GLYAT: variants seen among roughly 807,000 people sequenced by gnomAD.
GLYAT encodes glycine N-acyltransferase.
A neutral mutation model predicts 22.8 loss-of-function variants in GLYAT; 25 were observed. That is an observed-to-expected ratio of 1.09 (90% confidence interval 0.80 to 1.53). The LOEUF (loss-of-function observed/expected upper bound fraction) is 1.53. GLYAT is among the 40% of genes most tolerant of loss of function. The pLI, the probability that GLYAT is intolerant of heterozygous loss-of-function variation, is 0.00. For missense variants in GLYAT, 411 were observed against 353.9 expected (o/e 1.16, Z -1.29); for synonymous variants, 140 against 122.7 (o/e 1.14, Z -0.93).
chr11:58,716,385 G>GC (rs5792124), intron 2 of GLYAT, among the ~76,000 whole-genome samples: 147,602 of 152,012 alleles, frequency 0.97, 71,772 homozygotes, highest in African/African-American at 0.99. Flanking sequence ...CCCTCCTGCT[G>GC]CCCCTACCCC....
intron 1 of GLYAT, among the ~76,000 whole-genome samples, chr11:58,729,463 G>T (rs765939648): frequency 6.6e-6 from 1 of 152,088 alleles, no homozygotes; most frequent in Non-Finnish European, 1.5e-5. Context: ...TTTTAAAGTT[G>T]AATTTCGTTT....
chr11:58,712,635 C>G (rs1019887188), intron 4 of GLYAT, 125 bp downstream of exon 4: 2 of 831,806 alleles, frequency 2.4e-6, no homozygotes, highest in Admixed American at 2.0e-5. Context: ...GATATAGTTA[C>G]CACACAGTAA....
At chr11:58,722,221 AG>A (rs1393994989) in intron 2 of GLYAT, among the ~76,000 whole-genome samples, 1 of 152,000 alleles carries the variant, frequency 6.6e-6, no homozygotes, top group Non-Finnish European at 1.5e-5. Flanking sequence ...GATTTGTCAA[AG>A]GTCAGGGGCA....
intron 2 of GLYAT, chr11:58,724,153 A>G (rs764207256): frequency 2.4e-5 from 8 of 337,912 alleles, no homozygotes; most frequent in African/African-American, 6.4e-5. Context: ...TGTTTAGACT[A>G]AGGCATAACT....
At chr11:58,711,443 T>C (rs1279955860) in intron 4 of GLYAT, among the ~76,000 whole-genome samples, 1 of 152,186 alleles carries the variant, frequency 6.6e-6, no homozygotes, top group Non-Finnish European at 1.5e-5. Context: ...ATTAAATTTA[T>C]GTTCAAGTGC....
At chr11:58,713,366 A>T (rs1166580829) in intron 3 of GLYAT, among the ~76,000 whole-genome samples, 1 of 152,196 alleles carries the variant, frequency 6.6e-6, no homozygotes. Context: ...AATTTCAAAT[A>T]AAAGACATAA....
chr11:58,726,284 T>C (rs1356881084), intron 1 of GLYAT, among the ~76,000 whole-genome samples: 1 of 152,084 alleles, frequency 6.6e-6, no homozygotes. Context: ...AAGACCCCAA[T>C]TATTTGGGGA....
At chr11:58,719,211 T>G (rs1856719901) in intron 2 of GLYAT, among the ~76,000 whole-genome samples, 1 of 151,984 alleles carries the variant, frequency 6.6e-6, no homozygotes, top group Non-Finnish European at 1.5e-5. Flanking sequence ...TTAACTAAAG[T>G]GAAAGTCAAA....
intron 2 of GLYAT, among the ~76,000 whole-genome samples, chr11:58,723,529 C>A (rs1289347570): frequency 6.6e-6 from 1 of 151,976 alleles, no homozygotes; most frequent in African/African-American, 2.4e-5. Flanking sequence ...AATAACAAAT[C>A]ATTTAGGGAA....
chr11:58,727,574 C>A (rs973038526), intron 1 of GLYAT, among the ~76,000 whole-genome samples: 1 of 152,244 alleles, frequency 6.6e-6, no homozygotes, highest in South Asian at 2.1e-4. Flanking sequence ...TAGTTCATTA[C>A]GTCTGCTTAG....
chr11:58,713,454 T>C (rs1406712152), intron 3 of GLYAT, among the ~76,000 whole-genome samples: 2 of 152,148 alleles, frequency 1.3e-5, no homozygotes, highest in African/African-American at 4.8e-5. Flanking sequence ...GGAAAGCTTA[T>C]GTCACAAGAA....
chr11:58,710,690 GTGTT>G lies in GLYAT; in HGVS notation c.384_387del (p.Gln128HisfsTer15), dbSNP rs1475722141. ...TCAGCTGCCATATAGAGAATGCGTT[GTGTT>G]TGTTTGACTTTGAAGGACTTAATGG... On this transcript the variant is annotated frameshift_variant, in exon 5 of 6. Coordinates refer to ENST00000344743, the MANE Select transcript of GLYAT (RefSeq NM_201648.3). LOFTEE classifies it high-confidence loss of function. The G allele has an allele frequency of 1.2e-6, 2 of 1,613,280 alleles. No homozygotes were observed. Among genetic ancestry groups the G allele is most frequent in the East Asian group, 2.2e-5 (1 of 44,870 alleles).
rs768971264 is a variant in GLYAT at position 58,712,761 on chromosome 11, T to C, written c.315A>G (p.Gln105=). Residue 105 remains glutamine (Q), a splice_region_variant and synonymous_variant, in exon 4 of 6, where the codon CAA becomes CAG. Coordinates refer to ENST00000344743, the MANE Select transcript of GLYAT (RefSeq NM_201648.3). ...LINWKQHLQI[Q]SSQPSLNEAI... ...ACACATCCCATTCCTCTTACTTACT[T>C]TGAATCTGTAAATGCTGTTTCCAGT... The C allele has an allele frequency of 1.9e-6, 3 of 1,613,028 alleles. No individual in the cohort carries two copies. The Admixed American group carries it at 5.0e-5, about 27-fold the overall frequency.
chr11:58,717,520 C>T (rs1301379292), intron 2 of GLYAT, among the ~76,000 whole-genome samples: 2 of 149,802 alleles, frequency 1.3e-5, no homozygotes, highest in Non-Finnish European at 3.0e-5. Flanking sequence ...GAAAGCACAG[C>T]TTAGTTTTCA....
In GLYAT at chr11:58,709,571, C is replaced by T. The variant is rs1565053113; in HGVS notation, c.*195G>A. 2 of 542,558 alleles carry T rather than the reference C, an allele frequency of 3.7e-6. No individual in the cohort carries two copies. Among genetic ancestry groups the T allele is most frequent in the Non-Finnish European group, 6.3e-6 (2 of 315,638 alleles). 33.6% of individuals were successfully genotyped at this position (542,558 alleles called of 1,614,324 possible). On this transcript the variant is annotated 3_prime_UTR_variant, in exon 6 of 6. Transcript: ENST00000344743. ...TATGTCAAATGTAAGAGGACCTGGG[C>T]CTGCTTCCCACTGAGAAACCTGTGA...
At chr11:58,729,510 C>G (rs1590676585) in intron 1 of GLYAT, among the ~76,000 whole-genome samples, 1 of 152,204 alleles carries the variant, frequency 6.6e-6, no homozygotes, top group Admixed American at 6.5e-5. Context: ...AGGCAGGATG[C>G]TCATATTACT....
At chr11:58,718,003 G>C (rs1425434956) in intron 2 of GLYAT, among the ~76,000 whole-genome samples, 2 of 151,970 alleles carry the variant, frequency 1.3e-5, no homozygotes, top group Admixed American at 6.6e-5. Context: ...GTGTCTGTTA[G>C]AAAGTGACAT....
At chr11:58,727,015 A>G (rs1379275399) in intron 1 of GLYAT, among the ~76,000 whole-genome samples, 1 of 152,164 alleles carries the variant, frequency 6.6e-6, no homozygotes, top group Non-Finnish European at 1.5e-5. Flanking sequence ...GAAAAAAGCA[A>G]GTAGGTGAGA....
chr11:58,709,811 A>G lies in GLYAT; in HGVS notation c.846T>C (p.Val282=), dbSNP rs1856587097. 2 of 1,613,676 alleles carry G rather than the reference A, an allele frequency of 1.2e-6. No homozygotes were observed. Among genetic ancestry groups the G allele is most frequent in the Non-Finnish European group, 1.7e-6 (2 of 1,179,620 alleles). The change falls in exon 6 of 6, where the codon GTT becomes GTC. Residue 282 remains valine (V), a synonymous_variant. Transcript: ENST00000344743. ...MQKMSYTLQH[V]PIPRSWNQWN... ...ACTGGTTCCAGCTTCTGGGAATGGG[A>G]ACATGTTGCAGTGTGTAACTCATTT... is the stretch of plus-strand genomic sequence containing the variant.
Sources: gnomAD v4.1 joint callset for allele counts (sites outside exome capture counted in the v4.1 genomes callset) on GRCh38, gnomAD v4.1.1 for gene constraint, MANE v1.5 for transcripts, NCBI Gene and HGNC (gene_info 2026-07-23, HGNC 2026-07-21) for gene names.